Variants in NAA60 observed in about 807,000 individuals in gnomAD.
NAA60 encodes the protein N-alpha-acetyltransferase 60, NatF catalytic subunit, also known as N-alpha-acetyltransferase 60.
NAA60 carries 8 observed loss-of-function variants against 26.1 expected under a neutral mutation model. That is an observed-to-expected ratio of 0.31 (90% CI 0.18 to 0.55). The LOEUF (loss-of-function observed/expected upper bound fraction) is 0.55, where lower values mean the gene tolerates loss of function less well. Among genes scored for constraint, NAA60 ranks in the 20% least tolerant of loss-of-function variants. NAA60 has a pLI of 0.93. For synonymous variants in NAA60, 131 were observed against 122.5 expected (o/e 1.07, Z -0.46); for missense variants, 290 against 311.3 (o/e 0.93, Z 0.51).
intron 3 of NAA60, 83 bp from the exon 4 acceptor site, chr16:3,479,388 T>A: frequency 6.7e-7 from 1 of 1,484,668 alleles, no homozygotes; most frequent in East Asian, 2.3e-5. Context: ...GGCCCAGAGC[T>A]CCCTGTGGTT....
intron 2 of NAA60, 82 bp from the exon 3 acceptor site, chr16:3,476,140 C>T (rs2036466866): frequency 9.2e-7 from 1 of 1,084,700 alleles, no homozygotes; most frequent in South Asian, 1.5e-5. Context: ...GCTCCGTGCT[C>T]TTCTGTCTCG....
At chr16:3,482,758 C>A in intron 5 of NAA60, 160 bp downstream of exon 5, 1 of 641,300 alleles carries the variant, frequency 1.6e-6, no homozygotes, top group East Asian at 2.8e-5. Flanking sequence ...TTGGGCCAGA[C>A]CTTCATCATC....
rs770159785 is a variant in NAA60 at position 3,483,559 on chromosome 16, C to A, written c.534C>A (p.Val178=). The change falls in exon 6 of 8, where the codon GTC becomes GTA. Residue 178 remains valine (V), a synonymous_variant. Transcript: ENST00000407558. ...TCCTCAAAGATGGCTTCACCTATGT[C>A]CTCTACATCAACGGCGGCCACCCTC... The part of the protein sequence containing the change: ...RGVLKDGFTY[V]LYINGGHPPW... 6 of 1,612,854 alleles carry A rather than the reference C, an allele frequency of 3.7e-6. No homozygotes were observed. The highest frequency in any genetic ancestry group is 5.1e-6 in the Non-Finnish European group (6 of 1,179,612).
upstream of NAA60, chr16:3,443,619 A>T (rs1021757251): frequency 5.1e-5 from 43 of 835,372 alleles, no homozygotes; most frequent in Non-Finnish European, 7.5e-5. Context: ...TTAACCGAGG[A>T]CCTGTAGCCA....
At chr16:3,448,167 T>C (rs2034628244) in intron 1 of NAA60, among the ~76,000 whole-genome samples, 1 of 150,970 alleles carries the variant, frequency 6.6e-6, no homozygotes, top group African/African-American at 2.4e-5. Context: ...CCAGCTACTT[T>C]AGAGGCTGAA....
chr16:3,446,619 G>GTTTT (rs34330542), intron 1 of NAA60, among the ~76,000 whole-genome samples: 1 of 138,716 alleles, frequency 7.2e-6, no homozygotes. Context: ...TTTATTATTT[G>GTTTT]TTTTTTTTTT....
chr16:3,458,213 G>C (rs1406666957), intron 2 of NAA60: 4 of 983,374 alleles, frequency 4.1e-6, no homozygotes, highest in Non-Finnish European at 4.8e-6. Context: ...GCCGGGGCTC[G>C]GACCTGCGGC....
rs1175579609 is a variant in NAA60, at chr16:3,458,047, C to G, written c.-7+9507C>G. 5.1e-6 allele frequency: 5 copies of G among 985,176 alleles called. No homozygotes were observed. In the East Asian group the frequency reaches 3.4e-4, roughly 67 times the overall value. 61.0% of individuals were successfully genotyped at this position (985,176 alleles called of 1,614,324 possible). On this transcript the variant is annotated intron_variant, in intron 2 of 7. Transcript: ENST00000407558. ...AGGCGGAAGTGCCGCGGGCTGCCGC[C>G]TCCGTCCCGGCTGCGGCCCCTGCCG...
At chr16:3,479,958 C>G (rs1215497814) in intron 4 of NAA60, among the ~76,000 whole-genome samples, 1 of 152,174 alleles carries the variant, frequency 6.6e-6, no homozygotes, top group African/African-American at 2.4e-5. Flanking sequence ...ACTGCTTCAG[C>G]TTGTTGAAGG....
rs1249123088 is a variant in NAA60, at chr16:3,484,952, G to T, written c.*97G>T. The T allele has an allele frequency of 6.5e-7, 1 of 1,535,548 alleles. No homozygotes were observed. Among genetic ancestry groups the T allele is most frequent in the East Asian group, 2.5e-5 (1 of 40,776 alleles). On this transcript the variant is annotated 3_prime_UTR_variant, in exon 7 of 8. Coordinates refer to ENST00000407558, the MANE Select transcript of NAA60 (RefSeq NM_001083601.3). ...CCCCTTCTGTTTTCTGCAAGGAGCT[G>T]CCAGCCATCTAACTGGGCTCGTCGG...
intron 1 of NAA60, chr16:3,447,453 A>T: frequency 9.1e-6 from 9 of 985,330 alleles, no homozygotes; most frequent in Non-Finnish European, 9.6e-6. Flanking sequence ...TGAATTGCTC[A>T]CTACGTTTGG....
intron 2 of NAA60, among the ~76,000 whole-genome samples, chr16:3,461,270 G>A (rs535924616): frequency 7.2e-5 from 11 of 152,278 alleles, no homozygotes; most frequent in African/African-American, 2.2e-4. Context: ...GGTCTGAACC[G>A]GGGGAGCCAG....
chr16:3,447,353 A>C, intron 1 of NAA60: 2 of 425,108 alleles, frequency 4.7e-6, no homozygotes, highest in South Asian at 2.0e-4. Context: ...TATGTGGTAC[A>C]TGAAATATTT....
chr16:3,466,449 T>G (rs1219303447), intron 2 of NAA60, among the ~76,000 whole-genome samples: 1 of 152,228 alleles, frequency 6.6e-6, no homozygotes, highest in Non-Finnish European at 1.5e-5. Flanking sequence ...AAACAAGCCA[T>G]GCGCAGTGTT....
chr16:3,449,034 G>A (rs1249848004), intron 2 of NAA60: 1 of 152,434 alleles, frequency 6.6e-6, no homozygotes, highest in East Asian at 1.9e-4. Flanking sequence ...TACCAAAGGA[G>A]AATTTCTTTT....
At chr16:3,448,336 T>C (rs965516918) in intron 1 of NAA60, 135 bp from the exon 2 acceptor site, 46 of 612,610 alleles carry the variant, frequency 7.5e-5, no homozygotes, top group Non-Finnish European at 1.2e-4. Flanking sequence ...GTTTAGATAG[T>C]TAATTTTTCC....
At chr16:3,483,881 T>C (rs4453493) in intron 6 of NAA60, 338,801 of 448,578 alleles carry the variant, frequency 0.76, 128,376 homozygotes, top group East Asian at 0.8. Context: ...GCATGAGCCC[T>C]GCACCCAGCT....
intron 2 of NAA60, among the ~76,000 whole-genome samples, chr16:3,464,407 A>C (rs963866374): frequency 2.0e-5 from 3 of 152,196 alleles, no homozygotes; most frequent in African/African-American, 7.2e-5. Context: ...AAAACCCAGC[A>C]GATGGTGAGG....
At chr16:3,447,121 G>C (rs1484498402) in intron 1 of NAA60, among the ~76,000 whole-genome samples, 1 of 152,196 alleles carries the variant, frequency 6.6e-6, no homozygotes, top group Non-Finnish European at 1.5e-5. Context: ...GATTACAGGC[G>C]TGAGCCCCTG....
Sources: allele counts gnomAD v4.1 joint callset (sites outside exome capture counted in the v4.1 genomes callset), GRCh38; gene constraint gnomAD v4.1.1; transcripts MANE v1.5; gene names NCBI Gene and HGNC (gene_info 2026-07-23, HGNC 2026-07-21).